HMCN2: variants seen among roughly 807,000 people sequenced by gnomAD.
The protein encoded by HMCN2 is hemicentin-2.
HMCN2 carries 325 observed loss-of-function variants against 377.5 expected under a neutral mutation model. That is an observed-to-expected ratio of 0.86 (90% CI 0.79 to 0.94). The LOEUF is 0.94. Among genes scored for constraint, HMCN2 ranks in the 40% least tolerant of loss-of-function variants. The pLI is 0.00. For missense variants in HMCN2, 4,543 were observed against 4,725.3 expected, an observed-to-expected ratio of 0.96 and a Z score of 1.13; for synonymous variants, 2,007 against 2,046.8, an observed-to-expected ratio of 0.98 and a Z score of 0.53.
chr9:130,418,950 G>A lies in HMCN2; in HGVS notation c.13140G>A (p.Glu4380=). The A allele has an allele frequency of 1.3e-6, 2 of 1,537,900 alleles. No homozygotes were observed. Among genetic ancestry groups the A allele is most frequent in the East Asian group, 2.5e-5 (1 of 40,736 alleles). ...TGCCCGATGGGAGCCTGTGGCTGGA[G>A]AACGTGGAGACTGGGGATGCAGGCA... ...RTLPDGSLWL[E]NVETGDAGTY... The change falls in exon 86 of 98, where the codon GAG becomes GAA. Residue 4380 remains glutamate (E), a synonymous_variant. Transcript: ENST00000683500.
chr9:130,380,541 C>G (rs1776766090), intron 54 of HMCN2, among the ~76,000 whole-genome samples: 1 of 152,254 alleles, frequency 6.6e-6, no homozygotes, highest in African/African-American at 2.4e-5. Flanking sequence ...AATCCCAGCA[C>G]TTTGGGAGGC....
chr9:130,425,504 C>T (rs537088688), intron 89 of HMCN2, among the ~76,000 whole-genome samples, 183 bp from the exon 90 acceptor site: 1 of 151,820 alleles, frequency 6.6e-6, no homozygotes, highest in Non-Finnish European at 1.5e-5. Context: ...CCAAGGCTCA[C>T]CCCATCTCTT....
At chr9:130,418,285 G>A (rs1475086522) in intron 85 of HMCN2, among the ~76,000 whole-genome samples, 4 of 152,214 alleles carry the variant, frequency 2.6e-5, no homozygotes, top group African/African-American at 7.2e-5. Context: ...AGATGGCCGG[G>A]CGTGGTGGCT....
intron 24 of HMCN2, among the ~76,000 whole-genome samples, chr9:130,342,054 A>AATAAATAAATAAATAAATAAATAAAT (rs1241504109): frequency 6.0e-5 from 9 of 150,940 alleles, no homozygotes; most frequent in Admixed American, 6.6e-5. Flanking sequence ...TAAATAAATA[A>AATAAATAAATAAATAAATAAATAAAT]ATAAATAAAA....
At chr9:130,312,014 C>A (rs1837271197) in intron 15 of HMCN2, among the ~76,000 whole-genome samples, 1 of 152,212 alleles carries the variant, frequency 6.6e-6, no homozygotes, top group African/African-American at 2.4e-5. Flanking sequence ...GGCACCAGCT[C>A]AGAGCACATT....
chr9:130,273,746 C>T (rs1346695132), intron 1 of HMCN2, among the ~76,000 whole-genome samples: 2 of 152,234 alleles, frequency 1.3e-5, no homozygotes, highest in African/African-American at 2.4e-5. Flanking sequence ...GATTCGCCTG[C>T]CTCAGCCTCC....
At chr9:130,432,934 G>A (rs1469667868) in intron 97 of HMCN2, 1 of 362,100 alleles carries the variant, frequency 2.8e-6, no homozygotes, top group Non-Finnish European at 5.0e-6. Flanking sequence ...ACCTGCCCCA[G>A]GCCTTACAAC....
chr9:130,424,847 G>C lies in HMCN2; in HGVS notation c.13453G>C (p.Ala4485Pro). The C allele has an allele frequency of 6.7e-7, 1 of 1,491,382 alleles. No individual in the cohort carries two copies. The highest frequency in any genetic ancestry group is 9.0e-7 in the Non-Finnish European group (1 of 1,115,338). The allele number at this position is 1,491,382 out of a possible 1,614,324, so 92.4% of individuals were successfully genotyped here. ...YWALARESGE[A>P]LNGHSLTGGR... ...GGCCCTGGCCAGAGAGAGTGGGGAA[G>C]CCCTGAATGGCCACTCTCTGACTGG... The change falls in exon 88 of 98, where the codon GCC (alanine) becomes CCC (proline). Residue 4485 changes from alanine (A) to proline (P), a missense_variant. This residue lies in a region of HMCN2 where 1,155 missense variants were observed against 1,157.7 expected (regional missense o/e 1.00). Transcript: ENST00000683500.
At chr9:130,292,081 G>A (rs1835809575) in intron 4 of HMCN2, among the ~76,000 whole-genome samples, 1 of 149,282 alleles carries the variant, frequency 6.7e-6, no homozygotes, top group African/African-American at 2.5e-5. Context: ...GGTCTGATTT[G>A]ATGAAGGCTG....
rs908719286 is a variant in HMCN2 at position 130,403,626 on chromosome 9, T to G, written c.12014-115T>G. The G allele has an allele frequency of 2.7e-6, 3 of 1,119,630 alleles. No homozygotes were observed. The Admixed American group carries it at 8.6e-5, about 32-fold the overall frequency. The allele number at this position is 1,119,630 out of a possible 1,614,324, so 69.4% of individuals were successfully genotyped here. On this transcript the variant is annotated intron_variant, in intron 79 of 97. Transcript: ENST00000683500. ...CTTGGCTCCTTCTGTCCCTTGGTCA[T>G]TCTGTGACCCCAGCAAGTCATTTGC...
intron 1 of HMCN2, among the ~76,000 whole-genome samples, chr9:130,274,646 CTT>C (rs1834583489): frequency 6.6e-6 from 1 of 152,188 alleles, no homozygotes; most frequent in Non-Finnish European, 1.5e-5. Context: ...GGTGAAAACA[CTT>C]TTAACACTCT....
At position 130,360,387 on chromosome 9, in the gene HMCN2, C is replaced by T. The variant is rs939098881; in HGVS notation, c.5774-41C>T. 2.5e-6 allele frequency: 3 copies of T among 1,182,896 alleles called. No individual in the cohort carries two copies. The South Asian group carries it at 4.6e-5, about 18-fold the overall frequency. 73.3% of individuals were successfully genotyped at this position (1,182,896 alleles called of 1,614,324 possible). A position where few individuals can be genotyped will look rare whatever the true frequency, so the allele number is the denominator to read the frequency against. ...TTCTCTCTTCCATTCCCCCTTGCTTCTCTCTTCCTTTCCCCCTTGCATCTC... is the reference window on the plus strand; with the variant it reads ...TTCTCTCTTCCATTCCCCCTTGCTTTTCTCTTCCTTTCCCCCTTGCATCTC... On this transcript the variant is annotated intron_variant, in intron 37 of 97. Transcript: ENST00000683500. This position sits in a 1 kb window ranked among gnomAD's most constrained non-coding sequence, Gnocchi z 4.7.
In HMCN2 at chr9:130,361,643, C is replaced by T. The variant is rs921031743; in HGVS notation, c.5951-365C>T. 2.0e-5 allele frequency among the ~76,000 whole-genome samples: 3 copies of T among 152,224 alleles called. No homozygotes were observed. In the East Asian group the frequency reaches 5.8e-4, roughly 29 times the overall value. On this transcript the variant is annotated intron_variant, in intron 38 of 97. Coordinates refer to ENST00000683500, the MANE Select transcript of HMCN2 (RefSeq NM_001291815.2). The surrounding 1 kb of genome is among the most constrained non-coding windows in gnomAD (Gnocchi z 4.8). The stretch of plus-strand genomic sequence containing the variant: ...CTGCCTGTAATATGGTATTTCATCT[C>T]ACACCCCTGAGTTAGGAAGTAGCAC...
intron 65 of HMCN2, 145 bp from the exon 66 acceptor site, chr9:130,391,790 A>G (rs1588378606): frequency 1.9e-6 from 1 of 518,212 alleles, no homozygotes; most frequent in Non-Finnish European, 2.5e-6. Context: ...TGTGTCCCCC[A>G]TGCAGCGGGC....
chr9:130,357,221 G>A (rs1315808100), intron 34 of HMCN2, among the ~76,000 whole-genome samples: 2 of 138,028 alleles, frequency 1.4e-5, no homozygotes, highest in Non-Finnish European at 3.1e-5. Context: ...CGGGTAGATG[G>A]ATGAATGGGT....
intron 76 of HMCN2, 128 bp downstream of exon 76, chr9:130,399,760 GA>G: frequency 3.4e-6 from 2 of 591,014 alleles, no homozygotes; most frequent in South Asian, 4.7e-5. Flanking sequence ...CCTCCTCCAG[GA>G]AGGTCTCTCA....
chr9:130,353,288 G>T, intron 31 of HMCN2, 83 bp downstream of exon 31: 1 of 1,211,140 alleles, frequency 8.3e-7, no homozygotes, highest in South Asian at 1.4e-5. Flanking sequence ...TCCAAAGGAA[G>T]GCTAGGTGGC....
chr9:130,410,541 C>G (rs1319133864), intron 84 of HMCN2, 30 bp from the exon 85 acceptor site: 2 of 1,545,818 alleles, frequency 1.3e-6, no homozygotes, highest in Admixed American at 2.0e-5. Context: ...TCTCTGAGCA[C>G]CATGCCTCCT....
chr9:130,427,018 C>T (rs1564885595), intron 90 of HMCN2, among the ~76,000 whole-genome samples: 1 of 152,178 alleles, frequency 6.6e-6, no homozygotes, highest in Non-Finnish European at 1.5e-5. Flanking sequence ...TCAGGAGAGC[C>T]GTTTTGCACG....
Sources: gnomAD v4.1 joint callset for allele counts (sites outside exome capture counted in the v4.1 genomes callset) on GRCh38, gnomAD v4.1.1 for gene constraint, gnomAD v4.1.1 regional missense constraint, Gnocchi (gnomAD v3.1) non-coding constraint, MANE v1.5 for transcripts, NCBI Gene and HGNC (gene_info 2026-07-23, HGNC 2026-07-21) for gene names.